TMCC3: variants seen among roughly 807,000 people sequenced by gnomAD.
The protein encoded by TMCC3 is transmembrane and coiled-coil domain protein 3.
A neutral mutation model predicts 40.2 loss-of-function variants in TMCC3; 28 were observed. The observed-to-expected ratio is 0.70, with a 90% CI of 0.52 to 0.95. TMCC3 has a LOEUF of 0.95. Among genes scored for constraint, TMCC3 ranks in the 40% least tolerant of loss-of-function variants. The pLI, the probability that TMCC3 is intolerant of heterozygous loss-of-function variation, is 0.00. For missense variants in TMCC3, 554 were observed against 615.2 expected (o/e 0.90, Z 1.05); for synonymous variants, 255 against 248.5 (o/e 1.03, Z -0.25).
At chr12:94,578,353 G>A (rs1361514216) in intron 3 of TMCC3, 41 bp downstream of exon 3, 2 of 1,590,616 alleles carry the variant, frequency 1.3e-6, no homozygotes, top group South Asian at 1.1e-5. Context: ...TAAGGCTCGG[G>A]AAGAGCCCAG....
intron 1 of TMCC3, among the ~76,000 whole-genome samples, chr12:94,584,923 A>G (rs1194988131): frequency 1.3e-5 from 2 of 152,160 alleles, no homozygotes; most frequent in Non-Finnish European, 2.9e-5. Context: ...AGGGTCGACC[A>G]CAGGAAGCTC....
chr12:94,619,491 G>A (rs2068864097), intron 1 of TMCC3, among the ~76,000 whole-genome samples: 1 of 152,098 alleles, frequency 6.6e-6, no homozygotes, highest in Non-Finnish European at 1.5e-5. Context: ...CCAGGCAGAG[G>A]CCCCTGAGTT....
chr12:94,618,641 C>T (rs1303644001), intron 1 of TMCC3, among the ~76,000 whole-genome samples: 3 of 152,116 alleles, frequency 2.0e-5, no homozygotes, highest in Non-Finnish European at 1.5e-5. Flanking sequence ...CACTTTGGTC[C>T]CCAAGGGCCG....
At chr12:94,610,387 C>T (rs922861898) in intron 1 of TMCC3, among the ~76,000 whole-genome samples, 1 of 151,750 alleles carries the variant, frequency 6.6e-6, no homozygotes, top group African/African-American at 2.4e-5. Context: ...CCATCTAGCC[C>T]TTTTGGGCTT....
At chr12:94,604,414 G>A (rs1214601709) in intron 1 of TMCC3, among the ~76,000 whole-genome samples, 4 of 152,052 alleles carry the variant, frequency 2.6e-5, no homozygotes, top group African/African-American at 9.7e-5. Context: ...GGCATCTTTT[G>A]TGAACTAAGT....
intron 1 of TMCC3, among the ~76,000 whole-genome samples, chr12:94,604,458 GAT>G (rs1402230337): frequency 6.6e-6 from 1 of 152,052 alleles, no homozygotes; most frequent in African/African-American, 2.4e-5. Context: ...AGAGAAATAT[GAT>G]AAGCTCTGCC....
At chr12:94,581,190 T>C (rs1237595774) in intron 2 of TMCC3, among the ~76,000 whole-genome samples, 1 of 152,226 alleles carries the variant, frequency 6.6e-6, no homozygotes, top group Non-Finnish European at 1.5e-5. Context: ...CTATGCATCA[T>C]ATACACATAG....
chr12:94,622,997 A>G (rs1426761815), intron 1 of TMCC3, among the ~76,000 whole-genome samples: 1 of 152,202 alleles, frequency 6.6e-6, no homozygotes, highest in Non-Finnish European at 1.5e-5. Context: ...CTAGGCAAAG[A>G]AGGTAAAAAA....
Position 94,575,963 on chromosome 12 carries a change from A to T in TMCC3, c.1131+2431T>A, listed in dbSNP as rs77132556. On this transcript the variant is annotated intron_variant, in intron 3 of 3. Coordinates refer to ENST00000261226, the MANE Select transcript of TMCC3 (RefSeq NM_020698.4). ...GTCCAGCTATAATAATTAAAAAAAA[A>T]ATTTTTTTCTAATTATGTTGGCCAG... is the stretch of plus-strand genomic sequence containing the variant. Among the ~76,000 whole-genome samples, 1,137 of 152,014 alleles carry T rather than the reference A, an allele frequency of 7.5e-3. 17 individuals carry two copies. The highest frequency in any genetic ancestry group is 0.026 in the African/African-American group (1,086 of 41,434).
At chr12:94,592,661 C>CAAACA (rs1179258894) in intron 1 of TMCC3, among the ~76,000 whole-genome samples, 1 of 27,496 alleles carries the variant, frequency 3.6e-5, no homozygotes, top group Non-Finnish European at 6.8e-5. Flanking sequence ...GGCTCCATCT[C>CAAACA]AAAAAAAAAA....
At chr12:94,594,914 G>A (rs945063684) in intron 1 of TMCC3, among the ~76,000 whole-genome samples, 2 of 152,164 alleles carry the variant, frequency 1.3e-5, no homozygotes, top group Non-Finnish European at 2.9e-5. Flanking sequence ...GGCATCTCCA[G>A]CCTGAACGAA....
Position 94,584,739 on chromosome 12 carries a change from T to C in TMCC3, c.79-2201A>G, listed in dbSNP as rs146413499. 2.6e-3 allele frequency among the ~76,000 whole-genome samples: 403 copies of C among 152,098 alleles called. 5 individuals carry two copies. Among genetic ancestry groups the C allele is most frequent in the African/African-American group, 9.3e-3 (387 of 41,464 alleles). On this transcript the variant is annotated intron_variant, in intron 1 of 3. Transcript: ENST00000261226. Reference sequence around the variant, plus strand: ...TGAAGGAGAGACACTGGTTGCTTTATCTGGCAGAGGAGCACCATATAGGAA... The same window carrying C: ...TGAAGGAGAGACACTGGTTGCTTTACCTGGCAGAGGAGCACCATATAGGAA...
chr12:94,587,798 G>A (rs1010768256), intron 1 of TMCC3, among the ~76,000 whole-genome samples: 2 of 152,162 alleles, frequency 1.3e-5, no homozygotes, highest in African/African-American at 4.8e-5. Flanking sequence ...GTTATGCGGG[G>A]TCATTCTTTT....
intron 1 of TMCC3, among the ~76,000 whole-genome samples, chr12:94,649,876 G>C (rs1354117768): frequency 6.6e-6 from 1 of 152,240 alleles, no homozygotes; most frequent in Admixed American, 6.5e-5. Flanking sequence ...CCCGCGCTCC[G>C]GCTGCGCACC....
intron 1 of TMCC3, among the ~76,000 whole-genome samples, chr12:94,605,713 T>TAGATA (rs2068778596): frequency 6.6e-6 from 1 of 152,206 alleles, no homozygotes; most frequent in Non-Finnish European, 1.5e-5. Flanking sequence ...CATCGGGGGC[T>TAGATA]AGATAAAGAA....
At chr12:94,592,245 C>T (rs541087649) in intron 1 of TMCC3, among the ~76,000 whole-genome samples, 12 of 152,238 alleles carry the variant, frequency 7.9e-5, no homozygotes, top group Non-Finnish European at 1.2e-4. Context: ...GTGTACAGCA[C>T]GGGAACTGAG....
chr12:94,597,124 C>CATATATATATATATATATATATAT (rs869220054), intron 1 of TMCC3, among the ~76,000 whole-genome samples: 13 of 29,808 alleles, frequency 4.4e-4, no homozygotes, highest in Non-Finnish European at 8.7e-4. Flanking sequence ...TATTAAAATA[C>CATATATATATATATATATATATAT]ATATATATAT....
intron 1 of TMCC3, among the ~76,000 whole-genome samples, chr12:94,644,728 T>C (rs1179662988): frequency 1.3e-5 from 2 of 152,220 alleles, no homozygotes; most frequent in African/African-American, 4.8e-5. Flanking sequence ...CTTCACCGGG[T>C]CAGTGTCCTC....
At chr12:94,579,412 T>G (rs1299652896) in intron 2 of TMCC3, among the ~76,000 whole-genome samples, 1 of 152,130 alleles carries the variant, frequency 6.6e-6, no homozygotes, top group Non-Finnish European at 1.5e-5. Context: ...GAGGCTGAGA[T>G]GGGAGAATTG....
Sources: gnomAD v4.1 joint callset for allele counts (sites outside exome capture counted in the v4.1 genomes callset) on GRCh38, gnomAD v4.1.1 for gene constraint, MANE v1.5 for transcripts, NCBI Gene and HGNC (gene_info 2026-07-23, HGNC 2026-07-21) for gene names.